Variants in NRG1 observed in about 807,000 individuals in gnomAD.
NRG1 encodes pro-neuregulin-1, membrane-bound isoform.
In NRG1, 18 loss-of-function variants were observed where a neutral mutation model predicts 63.8. The observed-to-expected ratio is 0.28, with a 90% CI of 0.19 to 0.42. NRG1 has a LOEUF of 0.42. NRG1 is among the 10% of genes least tolerant of loss of function. The pLI, the probability that NRG1 is intolerant of heterozygous loss-of-function variation, is 1.00. For synonymous variants in NRG1, 302 were observed against 301.3 expected, an observed-to-expected ratio of 1.00 and a Z score of -0.02; for missense variants, 762 against 814.7, an observed-to-expected ratio of 0.94 and a Z score of 0.79.
At chr8:32,062,535 CTCTT>C (rs1824060470) in intron 1 of NRG1, among the ~76,000 whole-genome samples, 1 of 151,974 alleles carries the variant, frequency 6.6e-6, no homozygotes, top group African/African-American at 2.4e-5. Context: ...TAAGTGAGGG[CTCTT>C]TCTAAAGTGT....
intron 1 of NRG1, among the ~76,000 whole-genome samples, chr8:31,781,748 GC>G (rs1467499555): frequency 6.6e-6 from 1 of 152,060 alleles, no homozygotes; most frequent in Non-Finnish European, 1.5e-5. Flanking sequence ...TATGTTTCCT[GC>G]CAAGTATGTG....
intron 3 of NRG1, among the ~76,000 whole-genome samples, chr8:32,609,825 C>G (rs983217349): frequency 6.6e-6 from 1 of 151,656 alleles, no homozygotes; most frequent in Non-Finnish European, 1.5e-5. Context: ...ACACCCCCCA[C>G]CACACCCCAG....
At chr8:32,581,961 G>A (rs1840718226) in intron 1 of NRG1, among the ~76,000 whole-genome samples, 1 of 151,574 alleles carries the variant, frequency 6.6e-6, no homozygotes, top group Admixed American at 6.6e-5. Flanking sequence ...TAAACAGTAG[G>A]CTAAATAGTG....
In NRG1 at chr8:32,614,609, C is replaced by G. The variant is rs1034368262; in HGVS notation, c.451+45C>G. ...CAAATTTTACTAACCAGAATGACAA[C>G]CATAACTGCTGGCTGCTCCTTCTAC... On this transcript the variant is annotated intron_variant, in intron 4 of 11. Coordinates refer to ENST00000356819, the Ensembl canonical transcript of NRG1. 2.5e-6 allele frequency: 4 copies of G among 1,576,846 alleles called. No individual in the cohort carries two copies. The East Asian group carries it at 9.0e-5, about 35-fold the overall frequency.
chr8:32,570,141 T>G (rs1838268461), intron 1 of NRG1, among the ~76,000 whole-genome samples: 1 of 152,154 alleles, frequency 6.6e-6, no homozygotes, highest in African/African-American at 2.4e-5. Flanking sequence ...ACTCCTGACC[T>G]CAGGTGATCC....
intron 1 of NRG1, among the ~76,000 whole-genome samples, chr8:32,203,748 G>A (rs2132315375): frequency 6.6e-6 from 1 of 152,198 alleles, no homozygotes; most frequent in Non-Finnish European, 1.5e-5. Context: ...ATTTCTATGA[G>A]CTAAGGATAT....
intron 1 of NRG1, among the ~76,000 whole-genome samples, chr8:31,776,543 T>A (rs536394496): frequency 5.3e-5 from 8 of 152,284 alleles, no homozygotes; most frequent in South Asian, 4.1e-4. Flanking sequence ...CCACTTTTTT[T>A]ATATTATTAT....
intron 7 of NRG1, among the ~76,000 whole-genome samples, chr8:32,743,777 A>G (rs1479150970): frequency 6.6e-6 from 1 of 151,864 alleles, no homozygotes; most frequent in Admixed American, 6.6e-5. Flanking sequence ...CTTTCAAAAT[A>G]TTGCATTTAA....
Position 32,078,458 on chromosome 8 carries a change from A to G in NRG1, c.37+439027A>G, listed in dbSNP as rs547927462. Among the ~76,000 whole-genome samples, 10 of 152,328 alleles carry G rather than the reference A, an allele frequency of 6.6e-5. No homozygotes were observed. In the South Asian group the frequency reaches 1.0e-3, roughly 16 times the overall value. On this transcript the variant is annotated intron_variant, in intron 1 of 10. Transcript: ENST00000519301. ...TTTTCTTTATGAATTATTCAGTCCCAGGTATTCCTTTATAGCAACACAAAA... is the reference window on the plus strand; with the variant it reads ...TTTTCTTTATGAATTATTCAGTCCCGGGTATTCCTTTATAGCAACACAAAA...
intron 1 of NRG1, among the ~76,000 whole-genome samples, chr8:32,522,640 T>A (rs946501257): frequency 1.1e-4 from 17 of 152,182 alleles, no homozygotes; most frequent in African/African-American, 3.4e-4. Flanking sequence ...GGAACTTGAT[T>A]CAACAATTTT....
chr8:31,787,745 C>G (rs1820315822), intron 1 of NRG1, among the ~76,000 whole-genome samples: 1 of 152,144 alleles, frequency 6.6e-6, no homozygotes, highest in Non-Finnish European at 1.5e-5. Context: ...ATGTACTTCT[C>G]TTGTTCAGGG....
chr8:32,425,262 CAGG>C (rs1817216665), intron 1 of NRG1, among the ~76,000 whole-genome samples: 1 of 152,284 alleles, frequency 6.6e-6, no homozygotes, highest in African/African-American at 2.4e-5. Flanking sequence ...TGCCTTCAGG[CAGG>C]AGAAGTTGGG....
chr8:32,144,598 C>T (rs1448471054), intron 1 of NRG1, among the ~76,000 whole-genome samples: 1 of 152,202 alleles, frequency 6.6e-6, no homozygotes, highest in African/African-American at 2.4e-5. Flanking sequence ...CCATGGAGTG[C>T]ATGCAGGAAT....
At chr8:32,442,852 T>C (rs1271968437) in intron 1 of NRG1, 1 of 151,942 alleles carries the variant, frequency 6.6e-6, no homozygotes, top group Non-Finnish European at 1.5e-5. Context: ...AAAAAGTGAG[T>C]CTTTGTATTC....
chr8:32,711,225 T>A lies in NRG1; in HGVS notation c.503-16724T>A, dbSNP rs1296268744. Among the ~76,000 whole-genome samples, 5 of 145,552 alleles carry A rather than the reference T, an allele frequency of 3.4e-5. No homozygotes were observed. In the East Asian group the frequency reaches 9.9e-4, roughly 29 times the overall value. On this transcript the variant is annotated intron_variant, in intron 5 of 11. Coordinates refer to ENST00000356819, the Ensembl canonical transcript of NRG1. ...CCATTTAACTTTTTTCAGCCTCAGTTTTTTTTTTTTTTTTCCAACTGTGAG... is the reference window on the plus strand; with the variant it reads ...CCATTTAACTTTTTTCAGCCTCAGTATTTTTTTTTTTTTTCCAACTGTGAG...
intron 1 of NRG1, among the ~76,000 whole-genome samples, chr8:32,028,342 G>GA (rs1817778607): frequency 6.6e-6 from 1 of 152,068 alleles, no homozygotes; most frequent in Non-Finnish European, 1.5e-5. Context: ...TGGTTCAATG[G>GA]AAAAATATAA....
chr8:32,363,210 G>A (rs1034448523), intron 1 of NRG1, among the ~76,000 whole-genome samples: 2 of 152,144 alleles, frequency 1.3e-5, no homozygotes, highest in Non-Finnish European at 1.5e-5. Flanking sequence ...CAACTGAGAT[G>A]GTTATTCACC....
chr8:32,137,128 TCAC>T (rs1162629096), intron 1 of NRG1, among the ~76,000 whole-genome samples: 1 of 152,094 alleles, frequency 6.6e-6, no homozygotes, highest in Non-Finnish European at 1.5e-5. Flanking sequence ...TACCGCTGAG[TCAC>T]CAGTGTCTTC....
At chr8:31,783,339 A>G (rs1453467205) in intron 1 of NRG1, among the ~76,000 whole-genome samples, 1 of 152,202 alleles carries the variant, frequency 6.6e-6, no homozygotes, top group Non-Finnish European at 1.5e-5. Context: ...TGCTAAACAA[A>G]CAACTAACTT....
Sources: gnomAD v4.1 joint callset for allele counts (sites outside exome capture counted in the v4.1 genomes callset) on GRCh38, gnomAD v4.1.1 for gene constraint, MANE v1.5 for transcripts, NCBI Gene and HGNC (gene_info 2026-07-23, HGNC 2026-07-21) for gene names.